The following CLEC4M variants were observed in gnomAD, a reference collection of about 807,000 sequenced individuals.
CLEC4M encodes the protein CD209 antigen-like protein 1.
CLEC4M carries 25 observed loss-of-function variants against 39.1 expected under a neutral mutation model. The ratio of observed to expected loss-of-function variants is 0.64; its 90% confidence interval spans 0.47 to 0.89. CLEC4M has a LOEUF of 0.89. CLEC4M is among the 40% of genes least tolerant of loss of function. The probability of loss-of-function intolerance (pLI) is 0.00; values close to 1 mark genes in which losing one functional copy is unlikely to be tolerated. For synonymous variants in CLEC4M, 155 were observed against 177.4 expected (o/e 0.87, Z 1.00); for missense variants, 353 against 431.4 (o/e 0.82, Z 1.61).
intron 6 of CLEC4M, 110 bp downstream of exon 6, chr19:7,767,738 A>T: frequency 1.1e-6 from 1 of 883,686 alleles, no homozygotes; most frequent in Admixed American, 2.1e-5. Flanking sequence ...CATAGGACTA[A>T]GAGTCTGGGG....
chr19:7,763,259 G>T lies in CLEC4M; in HGVS notation c.-8G>T. ...GGAGTCCTGAACATCTGGGGACAGCGGGAAAACATGAGTGACTCCAAGGAA... is the reference window on the plus strand; with the variant it reads ...GGAGTCCTGAACATCTGGGGACAGCTGGAAAACATGAGTGACTCCAAGGAA... On this transcript the variant is annotated 5_prime_UTR_variant, in exon 1 of 7. Transcript: ENST00000327325. The T allele has an allele frequency of 6.3e-7, 1 of 1,592,278 alleles. No homozygotes were observed. Among genetic ancestry groups the T allele is most frequent in the Non-Finnish European group, 8.5e-7 (1 of 1,170,896 alleles).
chr19:7,767,966 C>T (rs2034351963), intron 6 of CLEC4M: 1 of 198,820 alleles, frequency 5.0e-6, no homozygotes, highest in South Asian at 1.1e-4. Context: ...CCACAGGTTC[C>T]TAGAGGGCGC....
intron 2 of CLEC4M, among the ~76,000 whole-genome samples, chr19:7,763,907 G>A (rs1050120719): frequency 4.0e-4 from 61 of 151,238 alleles, no homozygotes; most frequent in African/African-American, 1.5e-3. Context: ...CTGGGTCCTG[G>A]GGAAGGTGAG....
At chr19:7,765,102 G>A (rs1453142315) in intron 2 of CLEC4M, 83 bp from the exon 3 acceptor site, 2 of 1,465,578 alleles carry the variant, frequency 1.4e-6, no homozygotes, top group Non-Finnish European at 1.9e-6. Context: ...TGGGTCCTGG[G>A]GTGCTGAGGG....
rs1157183649 is a variant in CLEC4M, at chr19:7,769,136, C to G, written c.*148C>G. Reference sequence around the variant, plus strand: ...TTTTTCATCCCCTATGAACCTGGGTCTTATTCTGTCCTTCTGATGCCTCCA... The same window carrying G: ...TTTTTCATCCCCTATGAACCTGGGTGTTATTCTGTCCTTCTGATGCCTCCA... On this transcript the variant is annotated 3_prime_UTR_variant, in exon 7 of 7. Transcript: ENST00000327325. 1 of 733,360 alleles carries G rather than the reference C, an allele frequency of 1.4e-6. No individual in the cohort carries two copies. Among genetic ancestry groups the G allele is most frequent in the African/African-American group, 1.8e-5 (1 of 56,292 alleles). The allele number at this position is 733,360 out of a possible 1,614,324, so 45.4% of individuals were successfully genotyped here. A position where few individuals can be genotyped will look rare whatever the true frequency, so the allele number is the denominator to read the frequency against.
intron 5 of CLEC4M, chr19:7,767,107 C>A: frequency 2.1e-6 from 1 of 484,924 alleles, no homozygotes; most frequent in East Asian, 3.9e-5. Context: ...CCAATTTCCC[C>A]AGTGTAAATA....
rs546229824 is a variant in CLEC4M, at chr19:7,767,745, G to A, written c.1049+117G>A. On this transcript the variant is annotated intron_variant, in intron 6 of 6. Coordinates refer to ENST00000327325, the MANE Select transcript of CLEC4M (RefSeq NM_014257.5). Reference sequence around the variant, plus strand: ...CCTGACCCCATAGGACTAAGAGTCTGGGGTTTTACTGAGTTGAGGAAGGTG... The same window carrying A: ...CCTGACCCCATAGGACTAAGAGTCTAGGGTTTTACTGAGTTGAGGAAGGTG... 1.6e-5 allele frequency: 13 copies of A among 824,044 alleles called. No homozygotes were observed. In the East Asian group the frequency reaches 3.4e-4, roughly 21 times the overall value. The allele number at this position is 824,044 out of a possible 1,614,324, so 51.0% of individuals were successfully genotyped here. A position where few individuals can be genotyped will look rare whatever the true frequency, so the allele number is the denominator to read the frequency against.
At chr19:7,767,225 C>T in intron 5 of CLEC4M, 1 of 441,486 alleles carries the variant, frequency 2.3e-6, no homozygotes. Context: ...GGCTCCAGTA[C>T]ATGAAACCCA....
rs374069052 is a variant in CLEC4M at position 7,767,627 on chromosome 19, A to C, written c.1048A>C (p.Ser350Arg). Residue 350 changes from serine to arginine, a missense_variant and splice_region_variant, in exon 6 of 7, where the codon AGC (serine) becomes CGC (arginine). Around this residue, in one of 4 missense-constraint regions of CLEC4M, gnomAD observed 196 missense variants for 211.7 expected, o/e 0.93. Transcript: ENST00000327325. ...GGTGGACGGCTCACCTCTGTCACCCAGGTAGATTCTGGGAGAAAGGGACAC... is the reference window on the plus strand; with the variant it reads ...GGTGGACGGCTCACCTCTGTCACCCCGGTAGATTCTGGGAGAAAGGGACAC... ...QWVDGSPLSP[S>R]FQRYWNSGEP... is the part of the protein sequence containing the mutation. 6.2e-6 allele frequency: 10 copies of C among 1,613,344 alleles called. No homozygotes were observed. The highest frequency in any genetic ancestry group is 8.5e-6 in the Non-Finnish European group (10 of 1,179,264).
At chr19:7,767,256 G>C in intron 5 of CLEC4M, 1 of 476,708 alleles carries the variant, frequency 2.1e-6, no homozygotes, top group East Asian at 3.8e-5. Context: ...AATTCATGTG[G>C]ACATGCAAAA....
rs367922664 is a variant in CLEC4M, at chr19:7,763,258, C to T, written c.-9C>T. 6.5e-5 allele frequency: 103 copies of T among 1,589,928 alleles called. No individual in the cohort carries two copies. In the African/African-American group the frequency reaches 8.2e-4, roughly 13 times the overall value. ...AGGAGTCCTGAACATCTGGGGACAG[C>T]GGGAAAACATGAGTGACTCCAAGGA... On this transcript the variant is annotated 5_prime_UTR_variant, in exon 1 of 7. Transcript: ENST00000327325.
intron 5 of CLEC4M, 50 bp from the exon 6 acceptor site, chr19:7,767,466 C>A (rs1426569598): frequency 4.2e-6 from 6 of 1,443,384 alleles, no homozygotes; most frequent in Non-Finnish European, 5.8e-6. Context: ...GAGGTGGAAC[C>A]TGGAAAATGG....
Position 7,767,603 on chromosome 19 carries a change from G to A in CLEC4M, c.1024G>A (p.Val342Met). The A allele has an allele frequency of 6.2e-7, 1 of 1,614,152 alleles. No homozygotes were observed. Among genetic ancestry groups the A allele is most frequent in the East Asian group, 2.2e-5 (1 of 44,884 alleles). The change falls in exon 6 of 7, where the codon GTG (valine) becomes ATG (methionine). Residue 342 changes from valine to methionine, a missense_variant. Physicochemically the swap from Val to Met is conservative, Grantham distance 21. Transcript: ENST00000327325. The stretch of plus-strand genomic sequence containing the variant: ...AAATCAGGAAGGCACGTGGCAATGG[G>A]TGGACGGCTCACCTCTGTCACCCAG... Reference protein sequence around the residue: ...DLNQEGTWQWVDGSPLSPSFQ... With the variant: ...DLNQEGTWQWMDGSPLSPSFQ...
chr19:7,766,305 C>T (rs1463803177), intron 4 of CLEC4M, 98 bp downstream of exon 4: 2 of 1,557,354 alleles, frequency 1.3e-6, no homozygotes, highest in African/African-American at 2.7e-5. Flanking sequence ...TCAGTTTCCT[C>T]CCCTGTGAAA....
chr19:7,769,245 G>C lies in CLEC4M; in HGVS notation c.*257G>C, dbSNP rs973308646. 8 of 381,058 alleles carry C rather than the reference G, an allele frequency of 2.1e-5. No individual in the cohort carries two copies. Among genetic ancestry groups the C allele is most frequent in the Admixed American group, 1.1e-4 (3 of 27,366 alleles). The allele number at this position is 381,058 out of a possible 1,614,324, so 23.6% of individuals were successfully genotyped here. A position where few individuals can be genotyped will look rare whatever the true frequency, so the allele number is the denominator to read the frequency against. The stretch of plus-strand genomic sequence containing the variant: ...TGAGTGGGATGCATTTAGGGGGCGG[G>C]CTTGGTATGTTGTATGAATCCACTC... On this transcript the variant is annotated 3_prime_UTR_variant, in exon 7 of 7. Transcript: ENST00000327325.
rs1165905521 is a variant in CLEC4M at position 7,763,407 on chromosome 19, A to G, written c.61A>G (p.Thr21Ala). ...QLGLLEEDPT[T>A]SGIRLFPRDF... ...TGTCAATTCAGAAGAAGATCCAACA[A>G]CCAGTGGCATCAGACTTTTTCCAAG... The change falls in exon 2 of 7, where the codon ACC becomes GCC. Residue 21 changes from threonine (T) to alanine (A), a missense_variant. Coordinates refer to ENST00000327325, the MANE Select transcript of CLEC4M (RefSeq NM_014257.5). 4 of 1,614,114 alleles carry G rather than the reference A, an allele frequency of 2.5e-6. No homozygotes were observed. The East Asian group carries it at 8.9e-5, about 36-fold the overall frequency.
intron 6 of CLEC4M, chr19:7,768,368 G>T (rs1158782195): frequency 6.4e-6 from 1 of 155,810 alleles, no homozygotes; most frequent in Non-Finnish European, 1.4e-5. Context: ...GAGGTCAAGA[G>T]ATCAAAACCA....
Position 7,766,208 on chromosome 19 carries a change from G to A in CLEC4M, c.784+1G>A, listed in dbSNP as rs1020985012. 2.5e-6 allele frequency: 4 copies of A among 1,614,022 alleles called. No homozygotes were observed. The highest frequency in any genetic ancestry group is 2.5e-6 in the Non-Finnish European group (3 of 1,180,010). ...CTGACCGATTTGAAGACTGCATTTG[G>A]TGAGTTCCTGCACATCAAGGGTCCT... On this transcript the variant is annotated splice_donor_variant, in intron 4 of 6. Coordinates refer to ENST00000327325, the MANE Select transcript of CLEC4M (RefSeq NM_014257.5). LOFTEE classifies it high-confidence loss of function.
chr19:7,767,852 T>G, intron 6 of CLEC4M: 1 of 514,406 alleles, frequency 1.9e-6, no homozygotes. Context: ...GCCCTGTGGG[T>G]AGGTGTGTTA....
Sources: gnomAD v4.1 joint callset for allele counts (sites outside exome capture counted in the v4.1 genomes callset) on GRCh38, gnomAD v4.1.1 for gene constraint, gnomAD v4.1.1 regional missense constraint, MANE v1.5 for transcripts, NCBI Gene and HGNC (gene_info 2026-07-23, HGNC 2026-07-21) for gene names.